MYCBP2: variants seen among roughly 807,000 people sequenced by gnomAD.
The protein encoded by MYCBP2 is MYC binding protein 2.
A neutral mutation model predicts 525.3 loss-of-function variants in MYCBP2; 120 were observed. That is an observed-to-expected ratio of 0.23 (90% confidence interval 0.20 to 0.27). The LOEUF is 0.27. MYCBP2 is among the 10% of genes least tolerant of loss of function. MYCBP2 has a pLI of 1.00. For missense variants in MYCBP2, 4,149 were observed against 5,657.1 expected (o/e 0.73, Z 8.55); for synonymous variants, 1,894 against 1,955.8 (o/e 0.97, Z 0.83).
At chr13:77,191,837 A>T in intron 27 of MYCBP2, 24 bp from the exon 28 acceptor site, 1 of 1,609,972 alleles carries the variant, frequency 6.2e-7, no homozygotes, top group Non-Finnish European at 8.5e-7. Flanking sequence ...AGTGAGTCAA[A>T]AACAATATTT....
In MYCBP2 at chr13:77,140,909, T is replaced by C; in HGVS notation, c.7338A>G (p.Pro2446=). ...GAGTTCCTGGTGGTATCATCCCTTT[T>C]GGTGGGTCTTTTACTTTTACTTCCA... ...AGLEVKVKDP[P]KGMIPPGTQL... The change falls in exon 50 of 83, where the codon CCA becomes CCG. Residue 2446 remains proline, a synonymous_variant. Coordinates refer to ENST00000544440, the MANE Select transcript of MYCBP2 (RefSeq NM_015057.5). The C allele has an allele frequency of 2.5e-6, 4 of 1,612,504 alleles. No homozygotes were observed. Among genetic ancestry groups the C allele is most frequent in the South Asian group, 1.1e-5 (1 of 90,640 alleles).
intron 17 of MYCBP2, among the ~76,000 whole-genome samples, chr13:77,234,086 C>G (rs936411268): frequency 2.0e-5 from 3 of 151,624 alleles, no homozygotes; most frequent in African/African-American, 7.3e-5. Flanking sequence ...AATATACAGC[C>G]AAATTTATTT....
chr13:77,105,577 G>T (rs982064970), intron 55 of MYCBP2, among the ~76,000 whole-genome samples: 5 of 151,820 alleles, frequency 3.3e-5, no homozygotes, highest in Non-Finnish European at 2.9e-5. Context: ...ATTTAAAAAA[G>T]GGAAGCAATC....
Position 77,098,636 on chromosome 13 carries a change from G to C in MYCBP2, c.8518C>G (p.Pro2840Ala), listed in dbSNP as rs2046594300. ...NRSSPSGASS[P>A]RSSSPHDKNL... ...TTATCATGTGGTGAGGAGGAGCGTGGAGAACTAGCACCCGATGGGCTAGAC... is the reference window on the plus strand; with the variant it reads ...TTATCATGTGGTGAGGAGGAGCGTGCAGAACTAGCACCCGATGGGCTAGAC... Residue 2840 changes from proline (P) to alanine (A), a missense_variant, in exon 56 of 83, where the codon CCA becomes GCA. Pro to Ala is a conservative substitution (Grantham distance 27, BLOSUM62 -1). Coordinates refer to ENST00000544440, the MANE Select transcript of MYCBP2 (RefSeq NM_015057.5). 6.2e-7 allele frequency: 1 copy of C among 1,613,502 alleles called. No individual in the cohort carries two copies. The highest frequency in any genetic ancestry group is 8.5e-7 in the Non-Finnish European group (1 of 1,179,780).
rs1373036867 is a variant in MYCBP2, at chr13:77,224,403, CAG to C, written c.2939+46_2939+47del. ...GAAAGAAAAAAGAAGGAAAAGAAAA[CAG>C]AAGAAAAAATAACTCTGGATCTTCA... On this transcript the variant is annotated intron_variant, in intron 20 of 82. Coordinates refer to ENST00000544440, the MANE Select transcript of MYCBP2 (RefSeq NM_015057.5). The C allele has an allele frequency of 2.6e-6, 3 of 1,163,586 alleles. No homozygotes were observed. In the African/African-American group the frequency reaches 4.7e-5, roughly 18 times the overall value. The allele number at this position is 1,163,586 out of a possible 1,614,324, so 72.1% of individuals were successfully genotyped here. A position where few individuals can be genotyped will look rare whatever the true frequency, so the allele number is the denominator to read the frequency against.
At chr13:77,211,077 G>A in intron 23 of MYCBP2, 90 bp downstream of exon 23, 1 of 1,058,254 alleles carries the variant, frequency 9.4e-7, no homozygotes, top group East Asian at 3.1e-5. Context: ...ACTCACATGT[G>A]AAAAGTCCAC....
chr13:77,204,972 G>A (rs1241318511), intron 26 of MYCBP2, among the ~76,000 whole-genome samples: 9 of 151,366 alleles, frequency 5.9e-5, no homozygotes, highest in East Asian at 1.9e-4. Flanking sequence ...TGGGTGCAGC[G>A]CATCAGCATG....
chr13:77,100,133 G>A (rs1037888789), intron 55 of MYCBP2: 3 of 152,074 alleles, frequency 2.0e-5, no homozygotes, highest in Non-Finnish European at 4.4e-5. Flanking sequence ...TTCAAAGACA[G>A]TTCCTAGGAA....
intron 4 of MYCBP2, among the ~76,000 whole-genome samples, chr13:77,274,435 G>T (rs1567125342): frequency 6.6e-6 from 1 of 152,072 alleles, no homozygotes; most frequent in South Asian, 2.1e-4. Context: ...CAGATGGAGA[G>T]GGAAAAAGAG....
At chr13:77,179,412 A>T (rs1180246815) in intron 34 of MYCBP2, among the ~76,000 whole-genome samples, 1 of 152,190 alleles carries the variant, frequency 6.6e-6, no homozygotes, top group Non-Finnish European at 1.5e-5. Context: ...AAATTCAGTC[A>T]AAACATTCAG....
At chr13:77,303,130 C>T (rs1176516122) in intron 1 of MYCBP2, among the ~76,000 whole-genome samples, 6 of 152,132 alleles carry the variant, frequency 3.9e-5, no homozygotes, top group Admixed American at 3.9e-4. Flanking sequence ...GTCAGGTGTT[C>T]GAGACCAGCC....
intron 23 of MYCBP2, among the ~76,000 whole-genome samples, chr13:77,207,808 T>C (rs2063520516): frequency 1.3e-5 from 2 of 152,320 alleles, no homozygotes; most frequent in South Asian, 2.1e-4. Context: ...TGGTCTTTAG[T>C]GTTCAACAGT....
intron 57 of MYCBP2, among the ~76,000 whole-genome samples, 159 bp downstream of exon 57, chr13:77,096,153 C>A (rs2046223105): frequency 6.6e-6 from 1 of 151,788 alleles, no homozygotes; most frequent in African/African-American, 2.4e-5. Context: ...AAGCATTTGA[C>A]TTAGTACAAA....
intron 20 of MYCBP2, among the ~76,000 whole-genome samples, chr13:77,220,660 T>C (rs958237027): frequency 1.3e-5 from 2 of 152,180 alleles, no homozygotes; most frequent in African/African-American, 4.8e-5. Flanking sequence ...TATCTGTAAA[T>C]GTTTTGCTTT....
chr13:77,154,711 A>G (rs1397748665), intron 46 of MYCBP2, among the ~76,000 whole-genome samples: 1 of 152,136 alleles, frequency 6.6e-6, no homozygotes, highest in Non-Finnish European at 1.5e-5. Context: ...TGAATACACA[A>G]TATACAAGCC....
At chr13:77,183,541 C>CTTTTTTTTTTTTTTTTTTTTTTTTTTTTT (rs60927409) in intron 32 of MYCBP2, among the ~76,000 whole-genome samples, 1 of 66,050 alleles carries the variant, frequency 1.5e-5, no homozygotes, top group African/African-American at 7.1e-5. Flanking sequence ...GTCCCTATTT[C>CTTTTTTTTTTTTTTTTTTTTTTTTTTTTT]TTTTTTTTTT....
At position 77,317,270 on chromosome 13, in the gene MYCBP2, G is replaced by A. The variant is rs2154380093; in HGVS notation, c.302+9204C>T. Among the ~76,000 whole-genome samples, 3 of 152,220 alleles carry A rather than the reference G, an allele frequency of 2.0e-5. 1 individual carries two copies. In the South Asian group the frequency reaches 6.2e-4, roughly 32 times the overall value. ...CCCAGCCTGGTGACTTCTTTATTTAGAAAAGGAGCCCCAAATCCTAGTGGC... is the reference window on the plus strand; with the variant it reads ...CCCAGCCTGGTGACTTCTTTATTTAAAAAAGGAGCCCCAAATCCTAGTGGC... On this transcript the variant is annotated intron_variant, in intron 1 of 82. Transcript: ENST00000544440.
chr13:77,128,373 CA>C (rs1243555838), intron 52 of MYCBP2, among the ~76,000 whole-genome samples: 2 of 151,626 alleles, frequency 1.3e-5, no homozygotes, highest in African/African-American at 2.4e-5. Flanking sequence ...ATAGATTTAG[CA>C]AAAAAACCCA....
At chr13:77,148,181 A>G (rs2055909995) in intron 47 of MYCBP2, among the ~76,000 whole-genome samples, 1 of 152,020 alleles carries the variant, frequency 6.6e-6, no homozygotes, top group Non-Finnish European at 1.5e-5. Flanking sequence ...CAAATGTGTA[A>G]GATGGATTTT....
Sources: allele counts gnomAD v4.1 joint callset (sites outside exome capture counted in the v4.1 genomes callset), GRCh38; gene constraint gnomAD v4.1.1; transcripts MANE v1.5; gene names NCBI Gene and HGNC (gene_info 2026-07-23, HGNC 2026-07-21).